The following AVEN variants were observed in gnomAD, a reference collection of about 807,000 sequenced individuals.
The protein encoded by AVEN is cell death regulator Aven.
AVEN carries 41 observed loss-of-function variants against 38.1 expected under a neutral mutation model. That is an observed-to-expected ratio of 1.08 (90% confidence interval 0.84 to 1.40). The LOEUF (loss-of-function observed/expected upper bound fraction) is 1.40. AVEN is among the 40% of genes most tolerant of loss of function. The pLI, the probability that AVEN is intolerant of heterozygous loss-of-function variation, is 0.00. For missense variants in AVEN, 605 were observed against 438.8 expected, an observed-to-expected ratio of 1.38 and a Z score of -3.38; for synonymous variants, 206 against 171.8, an observed-to-expected ratio of 1.20 and a Z score of -1.56.
chr15:33,958,129 G>A (rs1895025491), intron 2 of AVEN, among the ~76,000 whole-genome samples: 1 of 152,174 alleles, frequency 6.6e-6, no homozygotes, highest in African/African-American at 2.4e-5. Context: ...TTATCAAACT[G>A]TTAAGATTTG....
downstream of AVEN, among the ~76,000 whole-genome samples, chr15:33,862,261 C>A (rs551064665): frequency 6.6e-6 from 1 of 152,282 alleles, no homozygotes; most frequent in Admixed American, 6.5e-5. Context: ...TGCCCAGGCT[C>A]GAGTGCAGTG....
At chr15:34,004,930 A>G (rs913987538) in intron 1 of AVEN, among the ~76,000 whole-genome samples, 2 of 152,160 alleles carry the variant, frequency 1.3e-5, no homozygotes, top group Non-Finnish European at 2.9e-5. Context: ...GAGTAAAATT[A>G]TTAAAACAAC....
At chr15:33,878,040 C>T in intron 2 of AVEN, among the ~76,000 whole-genome samples, 1 of 151,992 alleles carries the variant, frequency 6.6e-6, no homozygotes, top group East Asian at 1.9e-4. Flanking sequence ...GGGAATGAAT[C>T]AGGAATAAAC....
Position 34,063,786 on chromosome 15 carries a change from G to A in AVEN, n.1127-354C>T, listed in dbSNP as rs1900432468. The A allele has an allele frequency of 2.5e-6, 4 of 1,614,074 alleles. No individual in the cohort carries two copies. Among genetic ancestry groups the A allele is most frequent in the Non-Finnish European group, 3.4e-6 (4 of 1,180,040 alleles). On this transcript the variant is annotated intron_variant and non_coding_transcript_variant, in intron 4 of 11. Coordinates refer to the AVEN transcript ENST00000675287. The surrounding 1 kb of genome is among the most constrained non-coding windows in gnomAD (Gnocchi z 4.1). ...AGCTGAAACTGAAAAAAGTGACTAT[G>A]ACACCCCAAACTACCTTCTGTCTCC...
chr15:33,877,083 A>C, intron 2 of AVEN, among the ~76,000 whole-genome samples: 1 of 152,238 alleles, frequency 6.6e-6, no homozygotes, highest in East Asian at 1.9e-4. Context: ...TTCATTACTA[A>C]GCAAAGAAAG....
intron 4 of AVEN, chr15:34,064,091 T>G (rs1468799064): frequency 6.2e-7 from 1 of 1,614,184 alleles, no homozygotes; most frequent in South Asian, 1.1e-5. Flanking sequence ...GGACCCCGTA[T>G]AACATCATGG....
intron 5 of AVEN, among the ~76,000 whole-genome samples, chr15:34,052,040 C>CA (rs1179010629): frequency 2.6e-5 from 4 of 151,684 alleles, no homozygotes; most frequent in Admixed American, 6.6e-5. Flanking sequence ...AGAGATACAA[C>CA]AAAAAAAAGA....
rs149524092 is a variant in AVEN at position 33,952,964 on chromosome 15, G to T, written c.445+50068C>A. 5.8e-3 allele frequency among the ~76,000 whole-genome samples: 878 copies of T among 151,794 alleles called. 6 individuals are homozygous for T. The highest frequency in any genetic ancestry group is 0.02 in the African/African-American group (840 of 41,428). ...TCGTCTCAGGATACAAAATCAGTGTGCAAAAATCACAAGCATTCTTATACA... is the reference window on the plus strand; with the variant it reads ...TCGTCTCAGGATACAAAATCAGTGTTCAAAAATCACAAGCATTCTTATACA... On this transcript the variant is annotated intron_variant, in intron 2 of 5. Transcript: ENST00000306730.
At chr15:33,912,181 T>C (rs996483897) in intron 2 of AVEN, among the ~76,000 whole-genome samples, 1 of 152,190 alleles carries the variant, frequency 6.6e-6, no homozygotes, top group African/African-American at 2.4e-5. Flanking sequence ...TGTAACACTA[T>C]CTACTTCATA....
At chr15:33,912,549 T>C (rs1049416213) in intron 2 of AVEN, among the ~76,000 whole-genome samples, 2 of 152,250 alleles carry the variant, frequency 1.3e-5, no homozygotes, top group East Asian at 1.9e-4. Flanking sequence ...TCACCAAGCA[T>C]GGATTTCCAT....
intron 2 of AVEN, among the ~76,000 whole-genome samples, chr15:33,881,044 T>G (rs931708352): frequency 6.6e-6 from 1 of 152,200 alleles, no homozygotes; most frequent in African/African-American, 2.4e-5. Context: ...AAAGAAGGCT[T>G]TTAAAAATCC....
chr15:33,944,838 T>C (rs917683910), intron 2 of AVEN, among the ~76,000 whole-genome samples: 3 of 151,780 alleles, frequency 2.0e-5, no homozygotes, highest in Non-Finnish European at 2.9e-5. Context: ...AAAAGTTCTT[T>C]TGTAAAAAGA....
rs372976155 is a variant in AVEN, at chr15:33,971,593, C to T, written c.445+31439G>A. 3.4e-4 allele frequency among the ~76,000 whole-genome samples: 51 copies of T among 152,020 alleles called. 1 individual carries two copies. In the South Asian group the frequency reaches 9.7e-3, roughly 29 times the overall value. On this transcript the variant is annotated intron_variant, in intron 2 of 5. Transcript: ENST00000306730. ...TTTTGTATATAAAATTAGAAACATACCTAAAATTCATTTTTCTGTGTTAGC... is the reference window on the plus strand; with the variant it reads ...TTTTGTATATAAAATTAGAAACATATCTAAAATTCATTTTTCTGTGTTAGC...
chr15:33,966,671 G>A (rs600564), intron 2 of AVEN, among the ~76,000 whole-genome samples: 147,939 of 152,196 alleles, frequency 0.97, 71,975 homozygotes, highest in Non-Finnish European at 1. Context: ...AGATAAGAGT[G>A]AGAAGAGACA....
chr15:34,039,461 A>G (rs927531602), upstream of AVEN, among the ~76,000 whole-genome samples: 2 of 151,142 alleles, frequency 1.3e-5, no homozygotes, highest in Non-Finnish European at 2.9e-5. Flanking sequence ...GTCTAAACAA[A>G]TACATACTAA....
At chr15:34,036,882 G>A (rs1899153097) in intron 1 of AVEN, among the ~76,000 whole-genome samples, 1 of 152,040 alleles carries the variant, frequency 6.6e-6, no homozygotes. Context: ...GGCCGAGGCG[G>A]GTGGATCACC....
chr15:34,021,860 A>AT (rs1898216924), intron 1 of AVEN, among the ~76,000 whole-genome samples: 3 of 152,060 alleles, frequency 2.0e-5, no homozygotes, highest in African/African-American at 4.8e-5. Flanking sequence ...CATCTCAAAA[A>AT]TAAAAATAAA....
chr15:33,952,800 T>C (rs1488956611), intron 2 of AVEN, among the ~76,000 whole-genome samples: 1 of 148,634 alleles, frequency 6.7e-6, no homozygotes, highest in Admixed American at 6.7e-5. Flanking sequence ...GACATCTACA[T>C]ATGCCCAAAA....
intron 2 of AVEN, among the ~76,000 whole-genome samples, chr15:33,950,007 T>C (rs529992435): frequency 1.5e-4 from 23 of 152,198 alleles, no homozygotes; most frequent in Non-Finnish European, 3.1e-4. Context: ...GTGATATATA[T>C]ATACCATGGA....
Sources: gnomAD v4.1 joint callset for allele counts (sites outside exome capture counted in the v4.1 genomes callset) on GRCh38, gnomAD v4.1.1 for gene constraint, Gnocchi (gnomAD v3.1) non-coding constraint, MANE v1.5 for transcripts, NCBI Gene and HGNC (gene_info 2026-07-23, HGNC 2026-07-21) for gene names.